FAT4: variants seen among roughly 807,000 people sequenced by gnomAD.
FAT4 encodes FAT atypical cadherin 4.
Under a neutral mutation model 303.9 loss-of-function variants are expected in FAT4, and 84 were observed. The ratio of observed to expected loss-of-function variants is 0.28; its 90% CI spans 0.23 to 0.33. The LOEUF is 0.33. Among genes scored for constraint, FAT4 ranks in the 10% least tolerant of loss-of-function variants. The pLI is 1.00. For synonymous variants in FAT4, 2,307 were observed against 2,298.8 expected, an observed-to-expected ratio of 1.00 and a Z score of -0.10; for missense variants, 6,005 against 6,146.8, an observed-to-expected ratio of 0.98 and a Z score of 0.77.
At chr4:125,453,137 C>T (rs1026624030) in intron 10 of FAT4, among the ~76,000 whole-genome samples, 2 of 151,846 alleles carry the variant, frequency 1.3e-5, no homozygotes, top group Non-Finnish European at 2.9e-5. Flanking sequence ...ACAGTTAAAT[C>T]CAGAACTTAA....
At chr4:125,446,179 T>G in intron 8 of FAT4, 114 bp from the exon 9 acceptor site, 1 of 858,748 alleles carries the variant, frequency 1.2e-6, no homozygotes, top group Non-Finnish European at 1.8e-6. Flanking sequence ...CATTGTTGTA[T>G]GATCTTTCTT....
At chr4:125,475,202 G>A (rs2126082149) in intron 12 of FAT4, among the ~76,000 whole-genome samples, 1 of 152,184 alleles carries the variant, frequency 6.6e-6, no homozygotes, top group East Asian at 1.9e-4. Flanking sequence ...TGCAAAGTTT[G>A]TCATTTGTCA....
At chr4:125,488,093 G>A (rs1247277176) in intron 17 of FAT4, among the ~76,000 whole-genome samples, 5 of 152,190 alleles carry the variant, frequency 3.3e-5, no homozygotes, top group Non-Finnish European at 5.9e-5. Context: ...AAAAGAGAAA[G>A]GAAGGGGAAT....
At chr4:125,342,053 A>G (rs547730798) in intron 2 of FAT4, among the ~76,000 whole-genome samples, 1 of 152,116 alleles carries the variant, frequency 6.6e-6, no homozygotes, top group South Asian at 2.1e-4. Flanking sequence ...ATTTTAAATA[A>G]CATCAAATAT....
In FAT4 at chr4:125,317,465, G is replaced by C; in HGVS notation, c.1054G>C (p.Val352Leu). 1 of 1,613,688 alleles carries C rather than the reference G, an allele frequency of 6.2e-7. No individual in the cohort carries two copies. The change falls in exon 2 of 18, where the codon GTA becomes CTA. Residue 352 changes from valine (V) to leucine (L), a missense_variant. Physicochemically the swap from Val to Leu is conservative, Grantham distance 32. Transcript: ENST00000394329. The surrounding 1 kb of genome is among the most constrained non-coding windows in gnomAD (Gnocchi z 7.0). ...GCTGGACGTGAATGACAATGACCCGGTAGTGAAGTTCCGCTACTTCCCGGC... is the reference window on the plus strand; with the variant it reads ...GCTGGACGTGAATGACAATGACCCGCTAGTGAAGTTCCGCTACTTCCCGGC... Reference protein sequence around the residue: ...QLLDVNDNDPVVKFRYFPATS... With the variant: ...QLLDVNDNDPLVKFRYFPATS...
chr4:125,354,925 G>A (rs1330210909), intron 2 of FAT4, among the ~76,000 whole-genome samples: 4 of 151,774 alleles, frequency 2.6e-5, no homozygotes, highest in South Asian at 2.1e-4. Context: ...ATTCAGAAAC[G>A]TGGGAGGAAG....
intron 2 of FAT4, among the ~76,000 whole-genome samples, chr4:125,341,936 A>G (rs1478814577): frequency 1.3e-5 from 2 of 152,044 alleles, no homozygotes; most frequent in African/African-American, 4.8e-5. Context: ...TGATTTCCTA[A>G]AAGTCCTTGC....
intron 7 of FAT4, among the ~76,000 whole-genome samples, chr4:125,419,946 T>C (rs1735220727): frequency 6.6e-6 from 1 of 152,220 alleles, no homozygotes; most frequent in Admixed American, 6.5e-5. Context: ...ATGCCAACCT[T>C]TCTGCCATGT....
chr4:125,486,439 T>G (rs1288413418), intron 16 of FAT4, among the ~76,000 whole-genome samples: 2 of 152,216 alleles, frequency 1.3e-5, no homozygotes, highest in Non-Finnish European at 2.9e-5. Context: ...TAGCATTTGA[T>G]CTGAGTGACA....
rs570502199 is a variant in FAT4, at chr4:125,318,684, C to A, written c.2273C>A (p.Ala758Asp). The stretch of plus-strand genomic sequence containing the variant: ...GCCCTAGACAGAGAAGAAAAAACAG[C>A]TTATCAGTTGCAAATAGTAGCTACT... ...RMALDREEKT[A>D]YQLQIVATDG... Residue 758 changes from alanine to aspartate, a missense_variant, in exon 2 of 18, where the codon GCT (alanine) becomes GAT (aspartate). Coordinates refer to ENST00000394329, the MANE Select transcript of FAT4 (RefSeq NM_001291303.3). 1 of 1,614,080 alleles carries A rather than the reference C, an allele frequency of 6.2e-7. No individual in the cohort carries two copies. The highest frequency in any genetic ancestry group is 8.5e-7 in the Non-Finnish European group (1 of 1,179,994).
chr4:125,393,716 TA>T (rs1322191712), intron 2 of FAT4, among the ~76,000 whole-genome samples: 1 of 152,236 alleles, frequency 6.6e-6, no homozygotes, highest in African/African-American at 2.4e-5. Context: ...TCCTTCAGCA[TA>T]AAGTAATTTG....
Position 125,318,261 on chromosome 4 carries a change from C to T in FAT4, c.1850C>T (p.Thr617Ile). The T allele has an allele frequency of 6.2e-7, 1 of 1,614,188 alleles. No individual in the cohort carries two copies. The highest frequency in any genetic ancestry group is 8.5e-7 in the Non-Finnish European group (1 of 1,180,038). Residue 617 changes from threonine (T) to isoleucine (I), a missense_variant, in exon 2 of 18, where the codon ACA becomes ATA. Transcript: ENST00000394329. ...GACGGGGACCTGGGTGACAACGGAA[C>T]AGTGCGCTTCTCCTTACAAGAGGCA... ...ATDGDLGDNG[T>I]VRFSLQEAET...
chr4:125,463,553 T>C lies in FAT4; in HGVS notation c.11801-10T>C. On this transcript the variant is annotated splice_polypyrimidine_tract_variant and intron_variant, in intron 10 of 17. Transcript: ENST00000394329. Reference sequence around the variant, plus strand: ...GAGATTTAAAAAAAACTGAATTTGATATATTTTAGGGAAAATGTGTGAATC... The same window carrying C: ...GAGATTTAAAAAAAACTGAATTTGACATATTTTAGGGAAAATGTGTGAATC... The C allele has an allele frequency of 6.5e-7, 1 of 1,529,094 alleles. No individual in the cohort carries two copies. Among genetic ancestry groups the C allele is most frequent in the Non-Finnish European group, 8.9e-7 (1 of 1,122,970 alleles). 94.7% of individuals were successfully genotyped at this position (1,529,094 alleles called of 1,614,324 possible).
Position 125,319,091 on chromosome 4 carries a change from C to G in FAT4, c.2680C>G (p.Leu894Val). The G allele has an allele frequency of 6.2e-7, 1 of 1,614,144 alleles. No homozygotes were observed. Among genetic ancestry groups the G allele is most frequent in the Non-Finnish European group, 8.5e-7 (1 of 1,180,016 alleles). The change falls in exon 2 of 18, where the codon CTT becomes GTT. Residue 894 changes from leucine (L) to valine (V), a missense_variant. Transcript: ENST00000394329. Reference protein sequence around the residue: ...KDLNDNSPHFLQAIESVNVVE... With the variant: ...KDLNDNSPHFVQAIESVNVVE... Reference sequence around the variant, plus strand: ...TTTGAATGACAACTCTCCCCATTTCCTTCAGGCAATAGAGAGTGTAAATGT... The same window carrying G: ...TTTGAATGACAACTCTCCCCATTTCGTTCAGGCAATAGAGAGTGTAAATGT...
Position 125,479,833 on chromosome 4 carries a change from A to G in FAT4, c.12572A>G (p.Lys4191Arg). Residue 4191 changes from lysine to arginine, a missense_variant, in exon 15 of 18, where the codon AAA becomes AGA. Coordinates refer to ENST00000394329, the MANE Select transcript of FAT4 (RefSeq NM_001291303.3). ...TGGTCATGGCAGCAGTGTCATTGCA[A>G]AGAGGGACTCACTGGGAAATACTGT... is the stretch of plus-strand genomic sequence containing the variant. ...DYWSWQQCHCKEGLTGKYCEK... is the reference protein window; with the variant it reads ...DYWSWQQCHCREGLTGKYCEK... 6.3e-7 allele frequency: 1 copy of G among 1,599,970 alleles called. No individual in the cohort carries two copies. The highest frequency in any genetic ancestry group is 8.5e-7 in the Non-Finnish European group (1 of 1,170,032).
At chr4:125,408,894 T>C (rs746822592) in intron 5 of FAT4, 100 bp downstream of exon 5, 5 of 598,160 alleles carry the variant, frequency 8.4e-6, no homozygotes, top group Non-Finnish European at 1.3e-5. Flanking sequence ...AAAATGCATT[T>C]TGTGAATATA....
intron 7 of FAT4, among the ~76,000 whole-genome samples, chr4:125,422,394 T>A (rs1210940105): frequency 6.6e-6 from 1 of 152,182 alleles, no homozygotes; most frequent in African/African-American, 2.4e-5. Flanking sequence ...AATCCCCATG[T>A]GTCATGGGAG....
chr4:125,486,912 C>G (rs1394352446), intron 16 of FAT4, among the ~76,000 whole-genome samples: 1 of 152,070 alleles, frequency 6.6e-6, no homozygotes, highest in Non-Finnish European at 1.5e-5. Context: ...TTTAGCTGAG[C>G]ATTCTTTTTC....
At chr4:125,382,107 T>A (rs1253812597) in intron 2 of FAT4, among the ~76,000 whole-genome samples, 2 of 152,194 alleles carry the variant, frequency 1.3e-5, no homozygotes, top group Non-Finnish European at 2.9e-5. Flanking sequence ...TTCAAAGTCA[T>A]CCTTAAGGGT....
Sources: gnomAD v4.1 joint callset for allele counts (sites outside exome capture counted in the v4.1 genomes callset) on GRCh38, gnomAD v4.1.1 for gene constraint, Gnocchi (gnomAD v3.1) non-coding constraint, MANE v1.5 for transcripts, NCBI Gene and HGNC (gene_info 2026-07-23, HGNC 2026-07-21) for gene names.